FCRL1: variants seen among roughly 807,000 people sequenced by gnomAD.
FCRL1 encodes the protein Fc receptor like 1, also known as Fc receptor-like protein 1.
In FCRL1, 34 loss-of-function variants were observed where a neutral mutation model predicts 49.2. The ratio of observed to expected loss-of-function variants is 0.69; its 90% CI spans 0.53 to 0.92. The LOEUF (loss-of-function observed/expected upper bound fraction) is 0.92, where lower values mean the gene tolerates loss of function less well. Ranked by LOEUF, FCRL1 falls within the 40% of genes least tolerant of loss-of-function variation. The probability of loss-of-function intolerance (pLI) is 0.00; values close to 1 mark genes in which losing one functional copy is unlikely to be tolerated. For missense variants in FCRL1, 524 were observed against 524.1 expected, an observed-to-expected ratio of 1.00 and a Z score of 0.00; for synonymous variants, 218 against 201.6, an observed-to-expected ratio of 1.08 and a Z score of -0.69.
intron 3 of FCRL1, 64 bp from the exon 4 acceptor site, chr1:157,802,728 G>C: frequency 1.3e-6 from 2 of 1,495,302 alleles, no homozygotes; most frequent in Non-Finnish European, 1.8e-6. Context: ...ACAGTAAGTA[G>C]ATATGACGGT....
At chr1:157,813,194 A>G (rs1353033476) in intron 1 of FCRL1, among the ~76,000 whole-genome samples, 1 of 152,230 alleles carries the variant, frequency 6.6e-6, no homozygotes, top group African/African-American at 2.4e-5. Context: ...CAGGAACACA[A>G]CAAACATGAA....
chr1:157,817,306 A>G (rs1655180403), intron 1 of FCRL1, among the ~76,000 whole-genome samples: 1 of 152,102 alleles, frequency 6.6e-6, no homozygotes, highest in Admixed American at 6.5e-5. Flanking sequence ...TCAAAACAGC[A>G]TTGTACAGGC....
chr1:157,800,739 T>C (rs998531637), intron 6 of FCRL1, among the ~76,000 whole-genome samples: 2 of 152,132 alleles, frequency 1.3e-5, no homozygotes, highest in Non-Finnish European at 2.9e-5. Flanking sequence ...TGTGGATGTG[T>C]GAATGTGCGG....
In FCRL1 at chr1:157,801,996, C is replaced by CCT; in HGVS notation, c.804_805insAG (p.Glu269ArgfsTer23). On this transcript the variant is annotated frameshift_variant, in exon 5 of 11. Coordinates refer to ENST00000368176, the MANE Select transcript of FCRL1 (RefSeq NM_052938.5). LOFTEE classifies it high-confidence loss of function. ...TCACAGGAGTAGTTTCCAGAATGTTCTTCAGTCAGGGAAAGGTTGAAGGAG... is the reference window on the plus strand; with the variant it reads ...TCACAGGAGTAGTTTCCAGAATGTTCCTTTCAGTCAGGGAAAGGTTGAAGGAG... 6.2e-7 allele frequency: 1 copy of CCT among 1,614,252 alleles called. No homozygotes were observed. The highest frequency in any genetic ancestry group is 8.5e-7 in the Non-Finnish European group (1 of 1,180,040).
intron 9 of FCRL1, chr1:157,797,563 A>G (rs992061430): frequency 4.9e-6 from 3 of 616,084 alleles, no homozygotes; most frequent in African/African-American, 3.7e-5. Flanking sequence ...TTGTAACTAC[A>G]TGTTTTACCT....
intron 6 of FCRL1, 22 bp downstream of exon 6, chr1:157,801,439 G>T: frequency 7.0e-7 from 1 of 1,421,442 alleles, no homozygotes; most frequent in Non-Finnish European, 9.9e-7. Flanking sequence ...GTAACAAAAT[G>T]CCACTCTCTT....
chr1:157,819,638 A>G (rs1330724311), intron 1 of FCRL1, among the ~76,000 whole-genome samples: 1 of 152,076 alleles, frequency 6.6e-6, no homozygotes, highest in Admixed American at 6.6e-5. Flanking sequence ...GGAGTCAGAG[A>G]GGGATAAAAG....
At chr1:157,808,557 T>C (rs905528438) in intron 1 of FCRL1, among the ~76,000 whole-genome samples, 2 of 152,170 alleles carry the variant, frequency 1.3e-5, no homozygotes, top group Admixed American at 6.6e-5. Flanking sequence ...GTTATCGGTG[T>C]CTGAGAAATA....
In FCRL1 at chr1:157,803,877, A is replaced by G. The variant is rs182380478; in HGVS notation, c.287T>C (p.Leu96Ser). 117 of 1,614,146 alleles carry G rather than the reference A, an allele frequency of 7.2e-5. 1 individual carries two copies. In the Admixed American group the frequency reaches 1.9e-3, roughly 26 times the overall value. Residue 96 changes from leucine (L) to serine (S), a missense_variant, in exon 3 of 11, where the codon TTG (leucine) becomes TCG (serine). Transcript: ENST00000368176. ...CEAQTMASKV[L>S]RSRRSQINVH... Reference sequence around the variant, plus strand: ...ATTTATCTGGGATCTCCTGCTCCTCAAGACTTTGGACGCCATTGTCTGTGC... The same window carrying G: ...ATTTATCTGGGATCTCCTGCTCCTCGAGACTTTGGACGCCATTGTCTGTGC...
At position 157,795,940 on chromosome 1, in the gene FCRL1, G is replaced by A. The variant is rs892786240; in HGVS notation, c.*159C>T. 31 of 634,148 alleles carry A rather than the reference G, an allele frequency of 4.9e-5. No homozygotes were observed. Among genetic ancestry groups the A allele is most frequent in the Admixed American group, 1.1e-4 (4 of 37,262 alleles). The allele number at this position is 634,148 out of a possible 1,614,324, so 39.3% of individuals were successfully genotyped here. A position where few individuals can be genotyped will look rare whatever the true frequency, so the allele number is the denominator to read the frequency against. Reference sequence around the variant, plus strand: ...TCCTAGGTAGTTTCTTCAGGGCTGCGCCAACTTCACTTCACAGTAGATGAA... The same window carrying A: ...TCCTAGGTAGTTTCTTCAGGGCTGCACCAACTTCACTTCACAGTAGATGAA... On this transcript the variant is annotated 3_prime_UTR_variant, in exon 11 of 11. Transcript: ENST00000368176.
At chr1:157,810,562 G>C (rs955049944) in intron 1 of FCRL1, among the ~76,000 whole-genome samples, 1 of 152,010 alleles carries the variant, frequency 6.6e-6, no homozygotes, top group African/African-American at 2.4e-5. Context: ...CTCCCCAAGT[G>C]CTGGGATTAC....
At chr1:157,805,235 T>C (rs887230492) in intron 2 of FCRL1, among the ~76,000 whole-genome samples, 2 of 152,120 alleles carry the variant, frequency 1.3e-5, no homozygotes, top group African/African-American at 4.8e-5. Flanking sequence ...CAGCAGCCCA[T>C]AAAAATGTCA....
rs563656615 is a variant in FCRL1 at position 157,803,955 on chromosome 1, T to C, written c.209A>G (p.Lys70Arg). Residue 70 changes from lysine (K) to arginine (R), a missense_variant, in exon 3 of 11, where the codon AAG becomes AGG. Transcript: ENST00000368176. ...TTTCCACATGGCAGCGATCTGGAGC[T>C]TGGGGGAGCTGCTCCAGCCTGGGCC... ...ALGPGWSSSP[K>R]LQIAAMWKED... 29 of 1,614,182 alleles carry C rather than the reference T, an allele frequency of 1.8e-5. No homozygotes were observed. The African/African-American group carries it at 2.4e-4, about 13-fold the overall frequency.
rs754380203 is a variant in FCRL1 at position 157,803,870 on chromosome 1, G to C, written c.294C>G (p.Ser98Arg). ...TGTGCACATTTATCTGGGATCTCCT[G>C]CTCCTCAAGACTTTGGACGCCATTG... ...AQTMASKVLR[S>R]RRSQINVHRV... Residue 98 changes from serine (S) to arginine (R), a missense_variant, in exon 3 of 11, where the codon AGC (serine) becomes AGG (arginine). Physicochemically the swap from Ser to Arg is moderately radical, Grantham distance 110. Coordinates refer to ENST00000368176, the MANE Select transcript of FCRL1 (RefSeq NM_052938.5). 5.0e-6 allele frequency: 8 copies of C among 1,614,140 alleles called. No homozygotes were observed. The highest frequency in any genetic ancestry group is 1.7e-6 in the Non-Finnish European group (2 of 1,180,012).
At chr1:157,797,477 C>T (rs1651701830) in intron 9 of FCRL1, among the ~76,000 whole-genome samples, 1 of 151,934 alleles carries the variant, frequency 6.6e-6, no homozygotes, top group South Asian at 2.1e-4. Flanking sequence ...AGAGGGCAGG[C>T]AGAAGCCATC....
intron 1 of FCRL1, among the ~76,000 whole-genome samples, chr1:157,815,025 C>T (rs1300327006): frequency 6.6e-6 from 1 of 151,826 alleles, no homozygotes; most frequent in Non-Finnish European, 1.5e-5. Context: ...TTTAATACTC[C>T]ACTTTCAGCA....
At chr1:157,800,332 C>G (rs1652239748) in intron 6 of FCRL1, among the ~76,000 whole-genome samples, 1 of 152,156 alleles carries the variant, frequency 6.6e-6, no homozygotes, top group Non-Finnish European at 1.5e-5. Context: ...GGACTTGGGA[C>G]CCAAGTCTCT....
At chr1:157,808,945 T>C (rs1338059175) in intron 1 of FCRL1, among the ~76,000 whole-genome samples, 1 of 152,172 alleles carries the variant, frequency 6.6e-6, no homozygotes, top group African/African-American at 2.4e-5. Flanking sequence ...ATTTCCTGAA[T>C]TGGAGAAGTT....
chr1:157,807,067 A>T (rs750065717), intron 2 of FCRL1, 35 bp downstream of exon 2: 7 of 1,613,188 alleles, frequency 4.3e-6, no homozygotes, highest in Non-Finnish European at 5.9e-6. Context: ...CAAAATACCC[A>T]CAGACCTTGA....
Sources: allele counts gnomAD v4.1 joint callset (sites outside exome capture counted in the v4.1 genomes callset), GRCh38; gene constraint gnomAD v4.1.1; transcripts MANE v1.5; gene names NCBI Gene and HGNC (gene_info 2026-07-23, HGNC 2026-07-21).